PGLYRP3: variants seen among roughly 807,000 people sequenced by gnomAD.
PGLYRP3 encodes peptidoglycan recognition protein I alpha.
A neutral mutation model predicts 36.0 loss-of-function variants in PGLYRP3; 39 were observed. That is an observed-to-expected ratio of 1.08 (90% CI 0.84 to 1.41). PGLYRP3 has a LOEUF of 1.41. PGLYRP3 is among the 40% of genes most tolerant of loss of function. PGLYRP3 has a pLI of 0.00. For missense variants in PGLYRP3, 407 were observed against 427.9 expected (o/e 0.95, Z 0.43); for synonymous variants, 204 against 172.8 (o/e 1.18, Z -1.42).
At chr1:153,308,313 G>T (rs938365753) in intron 2 of PGLYRP3, among the ~76,000 whole-genome samples, 9 of 151,980 alleles carry the variant, frequency 5.9e-5, no homozygotes, top group African/African-American at 2.2e-4. Flanking sequence ...TTCTTCATTT[G>T]AGTTTCTCTT....
chr1:153,301,406 G>A (rs1659594800), intron 6 of PGLYRP3, among the ~76,000 whole-genome samples: 2 of 152,354 alleles, frequency 1.3e-5, no homozygotes, highest in South Asian at 2.1e-4. Context: ...TGAGGCTGGA[G>A]CAGAAGGATA....
In PGLYRP3 at chr1:153,305,124, G is replaced by C. The variant is rs142605413; in HGVS notation, c.258-59C>G. ...TCTCCATAAATGAAAACCTCTCACT[G>C]ATCCTCAAAAGGAAAAGGGGTTCTG... On this transcript the variant is annotated intron_variant, in intron 3 of 7. Transcript: ENST00000683862. 1,527 of 1,424,944 alleles carry C rather than the reference G, an allele frequency of 1.1e-3. 6 individuals are homozygous for C. The highest frequency in any genetic ancestry group is 7.8e-3 in the Middle Eastern group (43 of 5,546). 88.3% of individuals were successfully genotyped at this position (1,424,944 alleles called of 1,614,324 possible).
At chr1:153,302,277 A>G in intron 6 of PGLYRP3, 132 bp downstream of exon 6, 1 of 994,870 alleles carries the variant, frequency 1.0e-6, no homozygotes, top group South Asian at 1.6e-5. Context: ...ATCTTGCAAA[A>G]ATAAAATATG....
intron 2 of PGLYRP3, among the ~76,000 whole-genome samples, chr1:153,307,475 A>G (rs558707052): frequency 6.6e-6 from 1 of 152,218 alleles, no homozygotes; most frequent in African/African-American, 2.4e-5. Context: ...CAGCCTGGGA[A>G]GTCGTGCCGC....
Position 153,307,159 on chromosome 1 carries a change from A to C in PGLYRP3, c.164T>G (p.Met55Arg). The change falls in exon 3 of 8, where the codon ATG becomes AGG. Residue 55 changes from methionine (M) to arginine (R), a missense_variant. By Grantham distance (91) the Met-to-Arg change is moderately conservative (BLOSUM62 -1). Transcript: ENST00000683862. Reference protein sequence around the residue: ...AYIITDQLPGMQCQQQSVCSQ... With the variant: ...AYIITDQLPGRQCQQQSVCSQ... ...GCAAACGCTCTGCTGCTGGCACTGCATCCCTGGGAGCTGGTCTGTGATGAT... is the reference window on the plus strand; with the variant it reads ...GCAAACGCTCTGCTGCTGGCACTGCCTCCCTGGGAGCTGGTCTGTGATGAT... 2.5e-6 allele frequency: 4 copies of C among 1,612,204 alleles called. No homozygotes were observed. The highest frequency in any genetic ancestry group is 3.4e-6 in the Non-Finnish European group (4 of 1,179,202).
At chr1:153,304,140 G>T in intron 4 of PGLYRP3, 131 bp from the exon 5 acceptor site, 2 of 850,454 alleles carry the variant, frequency 2.4e-6, no homozygotes, top group Non-Finnish European at 3.5e-6. Flanking sequence ...TGGTCCAGTT[G>T]CCAGAACAGA....
chr1:153,299,086 C>A, intron 7 of PGLYRP3, 27 bp downstream of exon 7: 4 of 1,585,538 alleles, frequency 2.5e-6, no homozygotes, highest in Middle Eastern at 1.7e-4. Flanking sequence ...ACCCCCAGCA[C>A]CCCTCTACCC....
chr1:153,304,103 G>A, intron 4 of PGLYRP3, 94 bp from the exon 5 acceptor site: 1 of 1,218,276 alleles, frequency 8.2e-7, no homozygotes, highest in African/African-American at 1.5e-5. Flanking sequence ...ACTTGAGCCT[G>A]AATAACTGGA....
intron 1 of PGLYRP3, among the ~76,000 whole-genome samples, chr1:153,312,096 G>T (rs1313328629): frequency 6.6e-6 from 1 of 152,184 alleles, no homozygotes; most frequent in African/African-American, 2.4e-5. Context: ...TAATCACTGT[G>T]CTTCCACAAC....
intron 6 of PGLYRP3, among the ~76,000 whole-genome samples, chr1:153,300,533 G>A (rs138786588): frequency 6.6e-6 from 1 of 152,292 alleles, no homozygotes; most frequent in East Asian, 1.9e-4. Context: ...TGAAAAGGGT[G>A]GACCCTCATG....
chr1:153,304,928 C>T lies in PGLYRP3; in HGVS notation c.376+19G>A, dbSNP rs762961415. 36 of 1,586,490 alleles carry T rather than the reference C, an allele frequency of 2.3e-5. No individual in the cohort carries two copies. The highest frequency in any genetic ancestry group is 3.3e-4 in the Middle Eastern group (2 of 5,980). On this transcript the variant is annotated intron_variant, in intron 4 of 7. Transcript: ENST00000683862. ...GTACACAACTCTCCAGCACAGGGTC[C>T]GCAGGGAGTGACCCTTACCTATCTT...
chr1:153,311,565 C>A (rs1332717356), intron 1 of PGLYRP3, among the ~76,000 whole-genome samples: 1 of 152,190 alleles, frequency 6.6e-6, no homozygotes. Context: ...TCACTATAGT[C>A]TTTTCCAGCT....
chr1:153,306,928 G>T, intron 3 of PGLYRP3, 138 bp downstream of exon 3: 1 of 855,030 alleles, frequency 1.2e-6, no homozygotes, highest in Non-Finnish European at 1.8e-6. Flanking sequence ...GATTTTGTTT[G>T]ATTCCCCTTT....
rs1659660666 is a variant in PGLYRP3, at chr1:153,303,764, TG to T, written c.529+92del. On this transcript the variant is annotated intron_variant, in intron 5 of 7. Transcript: ENST00000683862. ...AGATGTTCTTAGTCCCAGAATCCCATGGGGTCTAACAGGAAAAAGCACTCCC... is the reference window on the plus strand; with the variant it reads ...AGATGTTCTTAGTCCCAGAATCCCATGGGTCTAACAGGAAAAAGCACTCCC... 4 of 1,404,858 alleles carry T rather than the reference TG, an allele frequency of 2.8e-6. No homozygotes were observed. The East Asian group carries it at 9.3e-5, about 33-fold the overall frequency. The allele number at this position is 1,404,858 out of a possible 1,614,324, so 87.0% of individuals were successfully genotyped here. A position where few individuals can be genotyped will look rare whatever the true frequency, so the allele number is the denominator to read the frequency against.
At chr1:153,305,149 G>A in intron 3 of PGLYRP3, 84 bp from the exon 4 acceptor site, 2 of 1,119,164 alleles carry the variant, frequency 1.8e-6, no homozygotes, top group Non-Finnish European at 2.6e-6. Flanking sequence ...AAGGGGTTCT[G>A]GAGGCTCATA....
intron 6 of PGLYRP3, among the ~76,000 whole-genome samples, chr1:153,300,905 A>T (rs1659575614): frequency 6.6e-6 from 1 of 152,074 alleles, no homozygotes; most frequent in South Asian, 2.1e-4. Flanking sequence ...ACTTATCTTT[A>T]TTCTCTTGCT....
chr1:153,302,806 G>T (rs929408035), intron 5 of PGLYRP3, among the ~76,000 whole-genome samples, 199 bp from the exon 6 acceptor site: 1 of 152,202 alleles, frequency 6.6e-6, no homozygotes, highest in Non-Finnish European at 1.5e-5. Context: ...GAGCCAAGGG[G>T]CTGAGGCAAA....
At chr1:153,304,420 T>G (rs1039356320) in intron 4 of PGLYRP3, among the ~76,000 whole-genome samples, 7 of 152,206 alleles carry the variant, frequency 4.6e-5, no homozygotes, top group Admixed American at 4.6e-4. Flanking sequence ...AGAAAACCTC[T>G]GAGAGAAATG....
intron 3 of PGLYRP3, among the ~76,000 whole-genome samples, chr1:153,306,039 C>T (rs1262917635): frequency 6.6e-6 from 1 of 152,134 alleles, no homozygotes; most frequent in East Asian, 1.9e-4. Context: ...AACACAGCAG[C>T]GACAACAGCA....
Sources: gnomAD v4.1 joint callset for allele counts (sites outside exome capture counted in the v4.1 genomes callset) on GRCh38, gnomAD v4.1.1 for gene constraint, MANE v1.5 for transcripts, NCBI Gene and HGNC (gene_info 2026-07-23, HGNC 2026-07-21) for gene names.